The following NOL9 variants were observed in gnomAD, a reference collection of about 807,000 sequenced individuals.
The protein encoded by NOL9 is polynucleotide 5'-hydroxyl-kinase NOL9.
In NOL9, 28 loss-of-function variants were observed where a neutral mutation model predicts 67.9. The ratio of observed to expected loss-of-function variants is 0.41; its 90% confidence interval spans 0.31 to 0.57. The LOEUF (loss-of-function observed/expected upper bound fraction) is 0.57, where lower values mean the gene tolerates loss of function less well. Ranked by LOEUF, NOL9 falls within the 20% of genes least tolerant of loss-of-function variation. The probability of loss-of-function intolerance (pLI) is 0.25; values close to 1 mark genes in which losing one functional copy is unlikely to be tolerated. For missense variants in NOL9, 777 were observed against 897.0 expected, an observed-to-expected ratio of 0.87 and a Z score of 1.71; for synonymous variants, 356 against 352.2, an observed-to-expected ratio of 1.01 and a Z score of -0.12.
chr1:6,548,138 C>CTTT (rs201835857), intron 3 of NOL9: 275 of 101,850 alleles, frequency 2.7e-3, no homozygotes, highest in East Asian at 6.3e-3. Flanking sequence ...ACTTAAAGTT[C>CTTT]TTTTTTTTTT....
intron 6 of NOL9, among the ~76,000 whole-genome samples, chr1:6,541,116 T>C (rs1570065809): frequency 6.7e-6 from 1 of 150,302 alleles, no homozygotes; most frequent in East Asian, 2.0e-4. Context: ...CCTGGGTTCA[T>C]GCGATTCTCC....
intron 2 of NOL9, among the ~76,000 whole-genome samples, chr1:6,550,035 TA>T (rs1639510326): frequency 1.7e-5 from 1 of 60,188 alleles, no homozygotes; most frequent in Admixed American, 2.3e-4. Flanking sequence ...GCATCTAAAA[TA>T]ATTTTTTTTT....
intron 5 of NOL9, among the ~76,000 whole-genome samples, chr1:6,543,198 TTTC>T (rs1639338200): frequency 1.9e-5 from 1 of 51,494 alleles, no homozygotes; most frequent in African/African-American, 4.2e-5. Flanking sequence ...CCAGCCTTTT[TTTC>T]TTTTTTTTTT....
rs778171788 is a variant in NOL9 at position 6,525,923 on chromosome 1, T to G, written c.2040A>C (p.Ala680=). ...CTTTATGTGCCTCCTCAGGTTCTCT[T>G]GCTCCAATTTTCTCTGATGCTCCAG... ...KLPGASEKIG[A]REPEEAHKEK... Residue 680 remains alanine (A), a synonymous_variant, in exon 12 of 12, where the codon GCA becomes GCC. Coordinates refer to ENST00000377705, the MANE Select transcript of NOL9 (RefSeq NM_024654.5). The G allele has an allele frequency of 1.2e-5, 19 of 1,614,186 alleles. 1 individual carries two copies. In the South Asian group the frequency reaches 1.9e-4, roughly 16 times the overall value.
intron 10 of NOL9, among the ~76,000 whole-genome samples, chr1:6,527,425 T>C (rs1277477711): frequency 6.6e-6 from 1 of 151,728 alleles, no homozygotes; most frequent in Admixed American, 6.6e-5. Flanking sequence ...GGCGGGTACA[T>C]CGAATGAGGT....
intron 5 of NOL9, among the ~76,000 whole-genome samples, chr1:6,544,196 C>G (rs1244921513): frequency 6.6e-6 from 1 of 151,620 alleles, no homozygotes; most frequent in Non-Finnish European, 1.5e-5. Context: ...AGTGGGAGGA[C>G]TGCTTGAACC....
intron 1 of NOL9, among the ~76,000 whole-genome samples, chr1:6,551,917 C>A (rs1347155115): frequency 2.0e-5 from 3 of 152,108 alleles, no homozygotes; most frequent in Admixed American, 6.6e-5. Context: ...CACCTGTAGT[C>A]CCAACTACTC....
At chr1:6,528,162 T>C (rs1217613325) in intron 10 of NOL9, among the ~76,000 whole-genome samples, 1 of 152,120 alleles carries the variant, frequency 6.6e-6, no homozygotes. Context: ...CCAAATTTAT[T>C]GACCTCAGGA....
intron 8 of NOL9, 142 bp downstream of exon 8, chr1:6,532,321 C>CAGTTCAGGAAACAT: frequency 1.2e-6 from 1 of 835,402 alleles, no homozygotes; most frequent in Non-Finnish European, 1.9e-6. Context: ...GTTCAGAAAA[C>CAGTTCAGGAAACAT]AACTGGTTCG....
Position 6,554,392 on chromosome 1 carries a change from G to A in NOL9, c.111C>T (p.Leu37=), listed in dbSNP as rs1570096056. Residue 37 remains leucine (L), a synonymous_variant, in exon 1 of 12, where the codon CTC becomes CTT. Transcript: ENST00000377705. ...GCCGACCGCACCAGCGCAGGCTCCC[G>A]AGCCGGCGGCGGGGCCGGCGGCTGA... ...LILSRRPRRR[L]GSLRWCGRRR... 5.4e-6 allele frequency: 8 copies of A among 1,494,126 alleles called. No homozygotes were observed. Among genetic ancestry groups the A allele is most frequent in the Non-Finnish European group, 5.3e-6 (6 of 1,134,728 alleles). The allele number at this position is 1,494,126 out of a possible 1,614,324, so 92.6% of individuals were successfully genotyped here. A position where few individuals can be genotyped will look rare whatever the true frequency, so the allele number is the denominator to read the frequency against.
Position 6,526,686 on chromosome 1 carries a change from G to A in NOL9, c.1959+10C>T, listed in dbSNP as rs1638891956. On this transcript the variant is annotated intron_variant, in intron 11 of 11. Transcript: ENST00000377705. ...GCTCCTTCCAGGGCTGTGCCCGGGG[G>A]AAGGCTCACCTGGCACTTAAGGACA... The A allele has an allele frequency of 1.9e-6, 3 of 1,606,964 alleles. No individual in the cohort carries two copies. The highest frequency in any genetic ancestry group is 1.7e-6 in the Non-Finnish European group (2 of 1,176,328).
intron 6 of NOL9, among the ~76,000 whole-genome samples, chr1:6,535,531 G>A (rs1292340079): frequency 2.6e-5 from 4 of 152,188 alleles, no homozygotes; most frequent in African/African-American, 9.7e-5. Context: ...CCTAGGAGGT[G>A]GCCGGCAGGG....
intron 3 of NOL9, among the ~76,000 whole-genome samples, chr1:6,548,792 C>T (rs976237892): frequency 2.6e-5 from 4 of 151,836 alleles, no homozygotes; most frequent in African/African-American, 9.7e-5. Flanking sequence ...ATTAAAAACC[C>T]CAAAAAAGGC....
intron 1 of NOL9, among the ~76,000 whole-genome samples, chr1:6,553,550 C>T (rs1290122771): frequency 6.6e-6 from 1 of 151,454 alleles, no homozygotes; most frequent in East Asian, 1.9e-4. Flanking sequence ...TATTAAAATC[C>T]CTTTCAGAGT....
At chr1:6,537,290 C>A (rs879918221) in intron 6 of NOL9, among the ~76,000 whole-genome samples, 11 of 151,848 alleles carry the variant, frequency 7.2e-5, no homozygotes, top group Non-Finnish European at 1.3e-4. Flanking sequence ...AAACTGTAAA[C>A]CTACTAGAGG....
intron 6 of NOL9, among the ~76,000 whole-genome samples, chr1:6,539,927 G>A (rs1350812586): frequency 6.6e-6 from 1 of 152,214 alleles, no homozygotes; most frequent in African/African-American, 2.4e-5. Context: ...AAGTAGAACA[G>A]AGGTGAAGTC....
chr1:6,531,643 A>G (rs1221876601), intron 9 of NOL9, among the ~76,000 whole-genome samples: 2 of 152,308 alleles, frequency 1.3e-5, no homozygotes, highest in Non-Finnish European at 1.5e-5. Context: ...GTGCTGGAGC[A>G]GCCCCTGCGA....
chr1:6,529,731 G>A (rs766960073), intron 9 of NOL9, among the ~76,000 whole-genome samples: 163 of 152,262 alleles, frequency 1.1e-3, no homozygotes, highest in Non-Finnish European at 1.5e-3. Flanking sequence ...TTTGAGACCA[G>A]CCTGGCCAAC....
chr1:6,545,084 T>C lies in NOL9; in HGVS notation c.841A>G (p.Thr281Ala), dbSNP rs1639391040. The C allele has an allele frequency of 1.9e-6, 3 of 1,614,208 alleles. No homozygotes were observed. Among genetic ancestry groups the C allele is most frequent in the Admixed American group, 1.7e-5 (1 of 60,016 alleles). ...ACTAACTCTTCCAGGGCTGAAAGGG[T>C]ACTCTCAGTTAACTGAAGGCCTTTC... Reference protein sequence around the residue: ...KRKGLQLTESTLSALEELVNV... With the variant: ...KRKGLQLTESALSALEELVNV... The change falls in exon 4 of 12, where the codon ACC becomes GCC. Residue 281 changes from threonine (T) to alanine (A), a missense_variant. Physicochemically the swap from Thr to Ala is moderately conservative, Grantham distance 58. This residue lies in a region of NOL9 where 413 missense variants were observed against 552.6 expected (regional missense o/e 0.75). Transcript: ENST00000377705.
Sources: allele counts gnomAD v4.1 joint callset (sites outside exome capture counted in the v4.1 genomes callset), GRCh38; gene constraint gnomAD v4.1.1; regional missense constraint gnomAD v4.1.1; transcripts MANE v1.5; gene names NCBI Gene and HGNC (gene_info 2026-07-23, HGNC 2026-07-21).